The following SLC9C1 variants were observed in gnomAD, a reference collection of about 807,000 sequenced individuals.
SLC9C1 encodes the protein solute carrier family 9 member C1.
In SLC9C1, 97 loss-of-function variants were observed where a neutral mutation model predicts 140.9. The ratio of observed to expected loss-of-function variants is 0.69; its 90% CI spans 0.58 to 0.82. The LOEUF (loss-of-function observed/expected upper bound fraction) is 0.82, where lower values mean the gene tolerates loss of function less well. Among genes scored for constraint, SLC9C1 ranks in the 40% least tolerant of loss-of-function variants. The pLI, the probability that SLC9C1 is intolerant of heterozygous loss-of-function variation, is 0.00. For missense variants in SLC9C1, 1,340 were observed against 1,389.3 expected, an observed-to-expected ratio of 0.96 and a Z score of 0.56; for synonymous variants, 440 against 442.6, an observed-to-expected ratio of 0.99 and a Z score of 0.07.
chr3:112,268,990 G>A (rs147088745), intron 7 of SLC9C1, among the ~76,000 whole-genome samples: 156 of 152,204 alleles, frequency 1.0e-3, no homozygotes, highest in Middle Eastern at 3.4e-3. Flanking sequence ...TGTGGGACAT[G>A]GATTAATAAC....
At chr3:112,230,285 G>C (rs1192751427) in intron 13 of SLC9C1, among the ~76,000 whole-genome samples, 1 of 152,150 alleles carries the variant, frequency 6.6e-6, no homozygotes, top group Non-Finnish European at 1.5e-5. Flanking sequence ...GCTGTTCATA[G>C]GCAGTTCCCA....
At chr3:112,248,475 T>C (rs2079355624) in intron 10 of SLC9C1, among the ~76,000 whole-genome samples, 1 of 152,226 alleles carries the variant, frequency 6.6e-6, no homozygotes, top group Non-Finnish European at 1.5e-5. Context: ...TCATTATTTT[T>C]GTTACTATGA....
intron 12 of SLC9C1, among the ~76,000 whole-genome samples, chr3:112,232,626 C>A (rs552583085): frequency 6.6e-6 from 1 of 151,898 alleles, no homozygotes; most frequent in Non-Finnish European, 1.5e-5. Context: ...AGAAGTTGGC[C>A]CCTCATATTG....
chr3:112,280,680 C>A lies in SLC9C1; in HGVS notation c.189+3G>T, dbSNP rs1302938093. On this transcript the variant is annotated splice_donor_region_variant and intron_variant, in intron 3 of 28. Coordinates refer to ENST00000305815, the MANE Select transcript of SLC9C1 (RefSeq NM_183061.3). Reference sequence around the variant, plus strand: ...GTGTAAAATACTCATTTACAATACACACCTGTGAAGATGTAAAGCTTAATA... The same window carrying A: ...GTGTAAAATACTCATTTACAATACAAACCTGTGAAGATGTAAAGCTTAATA... 6.3e-7 allele frequency: 1 copy of A among 1,594,640 alleles called. No individual in the cohort carries two copies. The highest frequency in any genetic ancestry group is 1.1e-5 in the South Asian group (1 of 87,530).
chr3:112,180,424 G>A, intron 22 of SLC9C1, 140 bp downstream of exon 22: 6 of 539,270 alleles, frequency 1.1e-5, no homozygotes, highest in African/African-American at 2.0e-5. Flanking sequence ...TTGGGAGGCT[G>A]AGGCAGGAGT....
chr3:112,202,523 C>T (rs1310013233), intron 17 of SLC9C1, 124 bp from the exon 18 acceptor site: 3 of 894,742 alleles, frequency 3.4e-6, no homozygotes, highest in Admixed American at 5.4e-5. Flanking sequence ...CTACAATAAC[C>T]TGTCAAGGTT....
At chr3:112,293,747 C>T (rs2080757451) in intron 1 of SLC9C1, among the ~76,000 whole-genome samples, 1 of 152,120 alleles carries the variant, frequency 6.6e-6, no homozygotes, top group Non-Finnish European at 1.5e-5. Context: ...ACACCTGAGG[C>T]GATTCCCTGA....
chr3:112,233,360 C>T (rs1345417803), intron 12 of SLC9C1, among the ~76,000 whole-genome samples: 1 of 152,140 alleles, frequency 6.6e-6, no homozygotes, highest in Non-Finnish European at 1.5e-5. Context: ...AGCCACTGTG[C>T]TGACCTATGA....
intron 28 of SLC9C1, among the ~76,000 whole-genome samples, chr3:112,149,951 A>G (rs2074909641): frequency 6.6e-6 from 1 of 152,170 alleles, no homozygotes; most frequent in African/African-American, 2.4e-5. Context: ...GAGCAGGGTA[A>G]GGCACTCAGC....
At chr3:112,220,197 AATG>A (rs1455451896) in intron 14 of SLC9C1, among the ~76,000 whole-genome samples, 1 of 152,238 alleles carries the variant, frequency 6.6e-6, no homozygotes. Context: ...ATAATGTCAT[AATG>A]ATTTGTATGA....
intron 20 of SLC9C1, among the ~76,000 whole-genome samples, chr3:112,187,499 C>G (rs2077561495): frequency 6.6e-6 from 1 of 152,054 alleles, no homozygotes; most frequent in Admixed American, 6.6e-5. Flanking sequence ...GGCACACAGG[C>G]TTTGTGTGTT....
Position 112,154,999 on chromosome 3 carries a change from CCTT to C in SLC9C1, c.3412_3414del (p.Lys1138del), listed in dbSNP as rs2075088294. ...TAGAAAGGCTGCTTTAAATTTACCT[CCTT>C]AACATTTCTTTCTTCTTGAATGCCT... On this transcript the variant is annotated inframe_deletion, in exon 27 of 29. Coordinates refer to ENST00000305815, the MANE Select transcript of SLC9C1 (RefSeq NM_183061.3). 1 of 1,611,194 alleles carries C rather than the reference CCTT, an allele frequency of 6.2e-7. No homozygotes were observed. Among genetic ancestry groups the C allele is most frequent in the Admixed American group, 1.7e-5 (1 of 59,632 alleles).
At chr3:112,257,558 A>G (rs546388571) in intron 10 of SLC9C1, among the ~76,000 whole-genome samples, 4 of 152,312 alleles carry the variant, frequency 2.6e-5, no homozygotes, top group African/African-American at 9.6e-5. Context: ...CTCAAGATAG[A>G]TTAAAGACTT....
At chr3:112,208,431 A>G (rs1303016800) in intron 15 of SLC9C1, 58 bp from the exon 16 acceptor site, 10 of 1,206,522 alleles carry the variant, frequency 8.3e-6, no homozygotes, top group African/African-American at 1.5e-5. Flanking sequence ...TGATTTTCAT[A>G]TATACTCATT....
intron 10 of SLC9C1, among the ~76,000 whole-genome samples, chr3:112,250,302 C>T (rs1159226284): frequency 1.3e-4 from 20 of 151,746 alleles, no homozygotes; most frequent in Admixed American, 9.2e-4. Context: ...TTTCTTAATC[C>T]AGTCTATCAT....
chr3:112,214,061 A>C (rs919894710), intron 15 of SLC9C1, among the ~76,000 whole-genome samples: 1 of 152,220 alleles, frequency 6.6e-6, no homozygotes. Flanking sequence ...AACTCACTCA[A>C]AATCGCTCAA....
At chr3:112,150,807 TA>T (rs2074941736) in intron 28 of SLC9C1, among the ~76,000 whole-genome samples, 1 of 48,440 alleles carries the variant, frequency 2.1e-5, no homozygotes, top group African/African-American at 8.7e-5. Flanking sequence ...TATATATATA[TA>T]TAAATACATA....
intron 23 of SLC9C1, among the ~76,000 whole-genome samples, chr3:112,177,257 T>TACCA (rs1179633824): frequency 6.6e-6 from 1 of 151,928 alleles, no homozygotes; most frequent in African/African-American, 2.4e-5. Flanking sequence ...TCCACCAGCC[T>TACCA]CAACCTACCA....
chr3:112,204,829 C>T (rs988191967), intron 16 of SLC9C1, among the ~76,000 whole-genome samples: 2 of 151,926 alleles, frequency 1.3e-5, no homozygotes, highest in African/African-American at 4.8e-5. Flanking sequence ...GTAGTCAAAA[C>T]AAAATTAGTT....
Sources: gnomAD v4.1 joint callset for allele counts (sites outside exome capture counted in the v4.1 genomes callset) on GRCh38, gnomAD v4.1.1 for gene constraint, MANE v1.5 for transcripts, NCBI Gene and HGNC (gene_info 2026-07-23, HGNC 2026-07-21) for gene names.